The following FSTL5 variants were observed in gnomAD, a reference collection of about 807,000 sequenced individuals.
FSTL5 encodes the protein follistatin-related protein 5.
Under a neutral mutation model 89.1 loss-of-function variants are expected in FSTL5, and 62 were observed. The ratio of observed to expected loss-of-function variants is 0.70; its 90% CI spans 0.57 to 0.86. The LOEUF (loss-of-function observed/expected upper bound fraction) is 0.86. Ranked by LOEUF, FSTL5 falls within the 40% of genes least tolerant of loss-of-function variation. The pLI is 0.00. For missense variants in FSTL5, 1,057 were observed against 1,001.6 expected (o/e 1.06, Z -0.75); for synonymous variants, 383 against 346.2 (o/e 1.11, Z -1.18).
intron 2 of FSTL5, among the ~76,000 whole-genome samples, chr4:162,048,861 T>G (rs1274260007): frequency 6.6e-6 from 1 of 152,158 alleles, no homozygotes; most frequent in Non-Finnish European, 1.5e-5. Context: ...AGCTGAAAAC[T>G]GAAACAGTCA....
At chr4:161,527,038 GGC>G (rs1731246438) in intron 10 of FSTL5, among the ~76,000 whole-genome samples, 1 of 152,094 alleles carries the variant, frequency 6.6e-6, no homozygotes, top group Admixed American at 6.5e-5. Flanking sequence ...TGGGCAGTAT[GGC>G]CATTTTCACG....
chr4:161,766,293 C>T (rs1740995830), intron 5 of FSTL5, among the ~76,000 whole-genome samples: 1 of 2,400 alleles, frequency 4.2e-4, no homozygotes, highest in Non-Finnish European at 4.7e-3. Context: ...GTTGTTAGTA[C>T]CATTTCAAGT....
intron 3 of FSTL5, among the ~76,000 whole-genome samples, chr4:161,955,779 A>G (rs973102171): frequency 2.0e-5 from 3 of 151,898 alleles, no homozygotes; most frequent in South Asian, 2.1e-4. Context: ...TGCAGTTTCA[A>G]TGACCATGTG....
At chr4:161,451,766 C>T (rs1208976410) in intron 15 of FSTL5, among the ~76,000 whole-genome samples, 2 of 152,092 alleles carry the variant, frequency 1.3e-5, no homozygotes, top group African/African-American at 2.4e-5. Context: ...CTGAGAAATC[C>T]ATATATAGGA....
At chr4:161,998,934 G>T (rs1480306915) in intron 3 of FSTL5, among the ~76,000 whole-genome samples, 1 of 151,328 alleles carries the variant, frequency 6.6e-6, no homozygotes, top group Non-Finnish European at 1.5e-5. Flanking sequence ...TACAAAGTCT[G>T]TTTTGTCAGT....
chr4:162,051,198 A>G (rs1738368761), intron 2 of FSTL5, among the ~76,000 whole-genome samples: 1 of 151,516 alleles, frequency 6.6e-6, no homozygotes, highest in Non-Finnish European at 1.5e-5. Flanking sequence ...AAAATATTGT[A>G]GAGAATTGGG....
chr4:161,983,647 C>T (rs968986492), intron 3 of FSTL5, among the ~76,000 whole-genome samples: 9 of 151,882 alleles, frequency 5.9e-5, no homozygotes, highest in Non-Finnish European at 1.5e-5. Context: ...ATGAAAATGA[C>T]AAAGGAAGGA....
intron 3 of FSTL5, among the ~76,000 whole-genome samples, chr4:161,922,988 T>C (rs1734032570): frequency 6.6e-6 from 1 of 151,896 alleles, no homozygotes; most frequent in South Asian, 2.1e-4. Context: ...CCTAACTTAT[T>C]AGTAAGTAAA....
chr4:162,054,867 T>C (rs899046098), intron 2 of FSTL5, among the ~76,000 whole-genome samples: 2 of 151,836 alleles, frequency 1.3e-5, no homozygotes, highest in African/African-American at 2.4e-5. Context: ...TCATTACAAG[T>C]TGCAAAACTA....
intron 7 of FSTL5, among the ~76,000 whole-genome samples, chr4:161,654,751 A>G (rs1240495525): frequency 2.6e-5 from 4 of 152,098 alleles, no homozygotes. Flanking sequence ...GCTTTCTTGA[A>G]TGAGGATAAA....
At chr4:161,743,757 A>G (rs1740103008) in intron 6 of FSTL5, among the ~76,000 whole-genome samples, 1 of 152,168 alleles carries the variant, frequency 6.6e-6, no homozygotes, top group African/African-American at 2.4e-5. Flanking sequence ...AAATGCTTAC[A>G]AATTTAAAAA....
intron 4 of FSTL5, among the ~76,000 whole-genome samples, chr4:161,841,204 A>G (rs914657605): frequency 1.3e-5 from 2 of 152,192 alleles, no homozygotes; most frequent in Admixed American, 1.3e-4. Context: ...AAGTGCATAC[A>G]CCATTTATTT....
intron 3 of FSTL5, among the ~76,000 whole-genome samples, chr4:161,988,227 T>C (rs1170824399): frequency 2.0e-5 from 3 of 152,082 alleles, no homozygotes; most frequent in Non-Finnish European, 4.4e-5. Flanking sequence ...TTATTTGTTT[T>C]CATAGCCTGG....
chr4:161,781,847 T>C (rs1242892202), intron 4 of FSTL5, among the ~76,000 whole-genome samples: 2 of 152,198 alleles, frequency 1.3e-5, no homozygotes, highest in Non-Finnish European at 2.9e-5. Flanking sequence ...CATTATACTA[T>C]AATTTACAGA....
chr4:162,039,277 T>A (rs1333330039), intron 2 of FSTL5, among the ~76,000 whole-genome samples: 2 of 151,852 alleles, frequency 1.3e-5, no homozygotes, highest in Non-Finnish European at 2.9e-5. Context: ...CCTTTTAGTA[T>A]GGGAGTAATC....
chr4:161,892,989 A>G (rs1204439052), intron 4 of FSTL5, among the ~76,000 whole-genome samples: 1 of 152,138 alleles, frequency 6.6e-6, no homozygotes. Context: ...ACTTTTAGAA[A>G]GATACAAGTG....
chr4:161,468,188 C>A (rs1048344129), intron 13 of FSTL5, among the ~76,000 whole-genome samples: 6 of 151,842 alleles, frequency 4.0e-5, no homozygotes, highest in Admixed American at 3.3e-4. Context: ...GCTGAGTGAG[C>A]GACCCCCACT....
chr4:161,957,789 A>T (rs1410977899), intron 3 of FSTL5, among the ~76,000 whole-genome samples: 2 of 152,162 alleles, frequency 1.3e-5, no homozygotes, highest in Non-Finnish European at 2.9e-5. Context: ...AAGCTTTTGC[A>T]GCCTTTTAAA....
At chr4:161,662,624 T>A (rs376211485) in intron 6 of FSTL5, among the ~76,000 whole-genome samples, 3 of 152,228 alleles carry the variant, frequency 2.0e-5, no homozygotes, top group Admixed American at 1.3e-4. Flanking sequence ...ATACGGTTAA[T>A]GAAACCAGGG....
Sources: gnomAD v4.1 joint callset for allele counts (sites outside exome capture counted in the v4.1 genomes callset) on GRCh38, gnomAD v4.1.1 for gene constraint, MANE v1.5 for transcripts, NCBI Gene and HGNC (gene_info 2026-07-23, HGNC 2026-07-21) for gene names.